The following MEIS2 variants were observed in gnomAD, a reference collection of about 807,000 sequenced individuals.
MEIS2 encodes the protein homeobox protein Meis2.
A neutral mutation model predicts 58.6 loss-of-function variants in MEIS2; 9 were observed. The observed-to-expected ratio is 0.15, with a 90% CI of 0.09 to 0.27. The LOEUF (loss-of-function observed/expected upper bound fraction) is 0.27, where lower values mean the gene tolerates loss of function less well. Among genes scored for constraint, MEIS2 ranks in the 10% least tolerant of loss-of-function variants. The pLI is 1.00. For synonymous variants in MEIS2, 221 were observed against 228.4 expected, an observed-to-expected ratio of 0.97 and a Z score of 0.29; for missense variants, 427 against 635.0, an observed-to-expected ratio of 0.67 and a Z score of 3.52.
chr15:37,010,256 T>C lies in MEIS2; in HGVS notation c.900+26558A>G, dbSNP rs1206144852. 2.0e-5 allele frequency among the ~76,000 whole-genome samples: 3 copies of C among 151,716 alleles called. No homozygotes were observed. In the East Asian group the frequency reaches 5.8e-4, roughly 29 times the overall value. ...GCACCCACCACCACACCTGGCTAAT[T>C]TTTTGTATTTTTAGTAGAGACGGGG... On this transcript the variant is annotated intron_variant, in intron 8 of 11. Coordinates refer to ENST00000561208, the MANE Select transcript of MEIS2 (RefSeq NM_170675.5).
chr15:36,930,553 G>A (rs1346881067), intron 9 of MEIS2, among the ~76,000 whole-genome samples: 4 of 152,128 alleles, frequency 2.6e-5, no homozygotes, highest in East Asian at 1.9e-4. Flanking sequence ...TGTCCTCGGC[G>A]TCTAGGTTTT....
intron 7 of MEIS2, among the ~76,000 whole-genome samples, chr15:37,052,473 T>C (rs2062964108): frequency 6.6e-6 from 1 of 152,188 alleles, no homozygotes; most frequent in South Asian, 2.1e-4. Flanking sequence ...AAGTCCATGC[T>C]CTCTACTCAC....
chr15:36,962,494 T>C (rs185177453), intron 8 of MEIS2, among the ~76,000 whole-genome samples: 3 of 152,346 alleles, frequency 2.0e-5, no homozygotes, highest in Admixed American at 2.0e-4. Flanking sequence ...TAATAGAATG[T>C]AAATGCTATG....
chr15:37,058,693 T>C (rs899359432), intron 7 of MEIS2, among the ~76,000 whole-genome samples: 3 of 152,206 alleles, frequency 2.0e-5, no homozygotes, highest in Non-Finnish European at 2.9e-5. Flanking sequence ...CTTGTCTCTT[T>C]AATTTCAAAA....
chr15:37,040,983 G>A (rs1212566297), intron 7 of MEIS2, among the ~76,000 whole-genome samples: 1 of 152,184 alleles, frequency 6.6e-6, no homozygotes, highest in Non-Finnish European at 1.5e-5. Flanking sequence ...ATTGAAATGA[G>A]ATGCAGCCTC....
At chr15:36,936,128 C>T (rs28393064) in intron 9 of MEIS2, among the ~76,000 whole-genome samples, 39,944 of 151,848 alleles carry the variant, frequency 0.26, 5,557 homozygotes, top group Non-Finnish European at 0.32. Context: ...CTATGGCAGG[C>T]ACCCAGGATC....
rs74011020 is a variant in MEIS2, at chr15:36,926,855, A to G, written c.977+23469T>C. On this transcript the variant is annotated intron_variant, in intron 9 of 11. Coordinates refer to ENST00000561208, the MANE Select transcript of MEIS2 (RefSeq NM_170675.5). ...CACATATTTCATTTAAAAGTATTCA[A>G]TACACCCCAACAGCCAGGACTGTAC... Among the ~76,000 whole-genome samples, 322 of 152,292 alleles carry G rather than the reference A, an allele frequency of 2.1e-3. 1 individual carries two copies. Among genetic ancestry groups the G allele is most frequent in the African/African-American group, 7.4e-3 (308 of 41,546 alleles).
rs2141210357 is a variant in MEIS2 at position 36,891,542 on chromosome 15, A to T, written c.*631T>A. ...AGCTCTTTGAAGAAGAGTCCCCCAA[A>T]AATAATAATAAGAATTGGCTTATGA... On this transcript the variant is annotated 3_prime_UTR_variant, in exon 12 of 12. Coordinates refer to ENST00000561208, the MANE Select transcript of MEIS2 (RefSeq NM_170675.5). The T allele has an allele frequency of 6.5e-6, 1 of 152,892 alleles. No homozygotes were observed. Among genetic ancestry groups the T allele is most frequent in the East Asian group, 1.9e-4 (1 of 5,192 alleles). 9.5% of individuals were successfully genotyped at this position (152,892 alleles called of 1,614,324 possible).
intron 1 of MEIS2, chr15:37,098,800 A>T: frequency 1.8e-6 from 1 of 571,068 alleles, no homozygotes; most frequent in Non-Finnish European, 2.2e-6. Context: ...GAAAAACGCT[A>T]ATAATCAGCA....
chr15:37,090,551 A>C (rs1567285739), intron 6 of MEIS2, among the ~76,000 whole-genome samples: 1 of 152,126 alleles, frequency 6.6e-6, no homozygotes, highest in East Asian at 1.9e-4. Flanking sequence ...ATTTATTTAC[A>C]TTTTCAAATT....
intron 9 of MEIS2, among the ~76,000 whole-genome samples, chr15:36,902,186 A>G (rs1162613807): frequency 2.6e-5 from 4 of 152,222 alleles, no homozygotes; most frequent in Non-Finnish European, 4.4e-5. Flanking sequence ...AAATGCACCT[A>G]TCCAATGCTC....
At chr15:36,955,143 T>C (rs954509342) in intron 8 of MEIS2, among the ~76,000 whole-genome samples, 2 of 152,228 alleles carry the variant, frequency 1.3e-5, no homozygotes, top group African/African-American at 4.8e-5. Flanking sequence ...TTTCTTTTTT[T>C]AATACCTTTT....
At chr15:36,933,465 C>T (rs1415581244) in intron 9 of MEIS2, among the ~76,000 whole-genome samples, 1 of 152,112 alleles carries the variant, frequency 6.6e-6, no homozygotes, top group Non-Finnish European at 1.5e-5. Flanking sequence ...TGCATTTTTA[C>T]ATAACCTGCA....
chr15:36,993,289 G>A (rs1004192880), intron 8 of MEIS2, among the ~76,000 whole-genome samples: 7 of 151,984 alleles, frequency 4.6e-5, no homozygotes, highest in South Asian at 2.1e-4. Context: ...CTAGAATTCC[G>A]GTATTTAACT....
At chr15:37,014,654 C>T (rs886647727) in intron 8 of MEIS2, among the ~76,000 whole-genome samples, 2 of 152,120 alleles carry the variant, frequency 1.3e-5, no homozygotes, top group South Asian at 2.1e-4. Context: ...GTTTCCTGGA[C>T]CATCCAATCA....
intron 8 of MEIS2, among the ~76,000 whole-genome samples, chr15:37,014,891 A>G (rs912309894): frequency 1.3e-5 from 2 of 149,730 alleles, no homozygotes; most frequent in Admixed American, 6.7e-5. Flanking sequence ...ATTTTTAACT[A>G]TGGACCTGAA....
intron 9 of MEIS2, among the ~76,000 whole-genome samples, chr15:36,916,102 T>C (rs779086844): frequency 1.6e-4 from 24 of 152,198 alleles, no homozygotes; most frequent in Middle Eastern, 3.4e-3. Flanking sequence ...GAAGTTTCCT[T>C]TTCTTCTTCT....
At chr15:36,893,807 CCT>C (rs914116201) in intron 11 of MEIS2, among the ~76,000 whole-genome samples, 2 of 152,108 alleles carry the variant, frequency 1.3e-5, no homozygotes, top group African/African-American at 4.8e-5. Context: ...GTGGTGACCC[CCT>C]GAGCTCCCCT....
intron 7 of MEIS2, among the ~76,000 whole-genome samples, chr15:37,054,519 C>T (rs2063051891): frequency 3.3e-5 from 5 of 152,304 alleles, no homozygotes; most frequent in East Asian, 1.9e-4. Flanking sequence ...CAGGCTTAAG[C>T]GATCCACCCA....
Sources: gnomAD v4.1 joint callset for allele counts (sites outside exome capture counted in the v4.1 genomes callset) on GRCh38, gnomAD v4.1.1 for gene constraint, MANE v1.5 for transcripts, NCBI Gene and HGNC (gene_info 2026-07-23, HGNC 2026-07-21) for gene names.